SAP30BP: variants seen among roughly 807,000 people sequenced by gnomAD.
The protein encoded by SAP30BP is SAP30-binding protein.
A neutral mutation model predicts 46.3 loss-of-function variants in SAP30BP; 31 were observed. That is an observed-to-expected ratio of 0.67 (90% confidence interval 0.50 to 0.90). SAP30BP has a LOEUF of 0.90. Ranked by LOEUF, SAP30BP falls within the 40% of genes least tolerant of loss-of-function variation. The pLI is 0.00. For synonymous variants in SAP30BP, 169 were observed against 144.2 expected, an observed-to-expected ratio of 1.17 and a Z score of -1.23; for missense variants, 312 against 391.0, an observed-to-expected ratio of 0.80 and a Z score of 1.70.
At chr17:75,679,544 G>C (rs1013867134) in intron 3 of SAP30BP, 6 of 152,196 alleles carry the variant, frequency 3.9e-5, no homozygotes, top group African/African-American at 1.2e-4. Flanking sequence ...ATGTTTGGGA[G>C]CGTGAGTAAG....
chr17:75,707,054 C>G lies in SAP30BP; in HGVS notation c.*533C>G, dbSNP rs2060507737. On this transcript the variant is annotated 3_prime_UTR_variant, in exon 11 of 11. Transcript: ENST00000584667. Reference sequence around the variant, plus strand: ...TCGGGTGATGGTGGAGCTGTGCTCCCTTGAGTGCACTTGAGCACTCCCCAG... The same window carrying G: ...TCGGGTGATGGTGGAGCTGTGCTCCGTTGAGTGCACTTGAGCACTCCCCAG... The G allele has an allele frequency of 6.0e-6, 1 of 166,702 alleles. No homozygotes were observed. Among genetic ancestry groups the G allele is most frequent in the African/African-American group, 2.4e-5 (1 of 41,878 alleles). The allele number at this position is 166,702 out of a possible 1,614,324, so 10.3% of individuals were successfully genotyped here. A position where few individuals can be genotyped will look rare whatever the true frequency, so the allele number is the denominator to read the frequency against.
At chr17:75,669,031 A>G (rs929428167) in intron 2 of SAP30BP, among the ~76,000 whole-genome samples, 1 of 151,530 alleles carries the variant, frequency 6.6e-6, no homozygotes, top group Non-Finnish European at 1.5e-5. Context: ...TTCTCAGTTT[A>G]TTAACAAGAT....
chr17:75,691,840 T>C, intron 3 of SAP30BP: 1 of 249,226 alleles, frequency 4.0e-6, no homozygotes, highest in Non-Finnish European at 8.0e-6. Flanking sequence ...TACAGTCCCA[T>C]GTATTGTTAC....
intron 4 of SAP30BP, among the ~76,000 whole-genome samples, chr17:75,697,067 G>A (rs374472423): frequency 2.0e-5 from 3 of 152,198 alleles, no homozygotes; most frequent in East Asian, 1.9e-4. Context: ...GTGAGCCACC[G>A]CGCCCGGCCC....
At chr17:75,687,802 C>T (rs916084964) in intron 3 of SAP30BP, among the ~76,000 whole-genome samples, 2 of 152,136 alleles carry the variant, frequency 1.3e-5, no homozygotes, top group Non-Finnish European at 2.9e-5. Context: ...TCTAGTGAAT[C>T]TACACATGAA....
intron 4 of SAP30BP, 148 bp from the exon 5 acceptor site, chr17:75,699,635 C>T (rs987185311): frequency 1.9e-6 from 1 of 539,608 alleles, no homozygotes; most frequent in African/African-American, 1.9e-5. Context: ...GATGACACCT[C>T]AGAGAGGCCA....
In SAP30BP at chr17:75,707,319, G is replaced by A. The variant is rs1215883725; in HGVS notation, c.*798G>A. ...TTGTTTACAGGCAAGCCCTGCTCCT[G>A]GGAGGGCTCCTGCCACCCCACCCTT... is the stretch of plus-strand genomic sequence containing the variant. On this transcript the variant is annotated 3_prime_UTR_variant, in exon 11 of 11. Transcript: ENST00000584667. 6.6e-6 allele frequency: 1 copy of A among 152,596 alleles called. No individual in the cohort carries two copies. The highest frequency in any genetic ancestry group is 2.4e-5 in the African/African-American group (1 of 41,462). 9.5% of individuals were successfully genotyped at this position (152,596 alleles called of 1,614,324 possible).
intron 6 of SAP30BP, 41 bp downstream of exon 6, chr17:75,702,612 A>C (rs371272071): frequency 1.0e-6 from 1 of 995,526 alleles, no homozygotes; most frequent in Non-Finnish European, 1.6e-6. Context: ...TGAGTTATTA[A>C]TGTTGGACTA....
intron 7 of SAP30BP, 26 bp downstream of exon 7, chr17:75,703,397 G>A (rs779054631): frequency 1.2e-6 from 2 of 1,608,746 alleles, no homozygotes; most frequent in South Asian, 2.2e-5. Flanking sequence ...GGGGCTGGAG[G>A]GTGATGGGGA....
At chr17:75,671,077 A>G (rs892531834) in intron 2 of SAP30BP, among the ~76,000 whole-genome samples, 4 of 152,308 alleles carry the variant, frequency 2.6e-5, no homozygotes, top group South Asian at 2.1e-4. Flanking sequence ...GCTTTGGAGA[A>G]TGCCTTACCG....
At chr17:75,669,831 A>G (rs114823201) in intron 2 of SAP30BP, among the ~76,000 whole-genome samples, 1,754 of 152,348 alleles carry the variant, frequency 0.012, 25 homozygotes, top group African/African-American at 0.04. Context: ...GTCTTTAGAC[A>G]CATAATCACC....
chr17:75,703,010 A>T (rs78775335), intron 6 of SAP30BP: 137 of 441,104 alleles, frequency 3.1e-4, no homozygotes, highest in African/African-American at 2.4e-3. Flanking sequence ...AGCTAGTGAC[A>T]TACAGGGAAA....
chr17:75,699,521 A>C (rs938845697), intron 4 of SAP30BP, among the ~76,000 whole-genome samples: 16 of 152,060 alleles, frequency 1.1e-4, no homozygotes, highest in African/African-American at 3.9e-4. Context: ...AAAAAAAAAA[A>C]ACGGAAAAGT....
intron 3 of SAP30BP, among the ~76,000 whole-genome samples, chr17:75,676,021 C>G (rs2059984936): frequency 6.6e-6 from 1 of 152,220 alleles, no homozygotes; most frequent in African/African-American, 2.4e-5. Context: ...CACCACTTTA[C>G]AAATCTCTTT....
At chr17:75,686,532 AAAAG>A (rs1017430179) in intron 3 of SAP30BP, among the ~76,000 whole-genome samples, 14 of 151,862 alleles carry the variant, frequency 9.2e-5, no homozygotes, top group African/African-American at 1.5e-4. Flanking sequence ...AAGAAAAAAA[AAAAG>A]AAAGAAAAAA....
chr17:75,675,019 G>A (rs1320351795), intron 3 of SAP30BP, among the ~76,000 whole-genome samples: 1 of 152,048 alleles, frequency 6.6e-6, no homozygotes, highest in Non-Finnish European at 1.5e-5. Flanking sequence ...AACATAGGAA[G>A]TTTCTAACAA....
intron 5 of SAP30BP, 48 bp from the exon 6 acceptor site, chr17:75,702,432 G>C: frequency 3.8e-6 from 3 of 780,798 alleles, no homozygotes; most frequent in Non-Finnish European, 6.6e-6. Flanking sequence ...CGGTGGAGGG[G>C]TGGGCTTCTG....
intron 5 of SAP30BP, among the ~76,000 whole-genome samples, chr17:75,701,605 G>C (rs976363047): frequency 2.6e-5 from 4 of 152,144 alleles, no homozygotes; most frequent in African/African-American, 9.7e-5. Context: ...AAACCAGCGC[G>C]GACCAGCCAC....
chr17:75,700,093 A>C, intron 5 of SAP30BP: 1 of 372,978 alleles, frequency 2.7e-6, no homozygotes, highest in South Asian at 4.5e-5. Context: ...GTGCTGCTCC[A>C]GCAGGGCGGC....
Sources: allele counts gnomAD v4.1 joint callset (sites outside exome capture counted in the v4.1 genomes callset), GRCh38; gene constraint gnomAD v4.1.1; transcripts MANE v1.5; gene names NCBI Gene and HGNC (gene_info 2026-07-23, HGNC 2026-07-21).